RSU1: variants seen among roughly 807,000 people sequenced by gnomAD.
RSU1 encodes Ras suppressor protein 1.
Under a neutral mutation model 31.1 loss-of-function variants are expected in RSU1, and 26 were observed. The ratio of observed to expected loss-of-function variants is 0.84; its 90% CI spans 0.61 to 1.16. RSU1 has a LOEUF of 1.16. Ranked by LOEUF, RSU1 falls within the 50% of genes most tolerant of loss-of-function variation. RSU1 has a pLI of 0.00. For synonymous variants in RSU1, 164 were observed against 136.3 expected (o/e 1.20, Z -1.41); for missense variants, 320 against 339.1 (o/e 0.94, Z 0.44).
intron 8 of RSU1, among the ~76,000 whole-genome samples, chr10:16,659,106 T>C (rs1221855302): frequency 2.6e-5 from 4 of 152,216 alleles, no homozygotes; most frequent in Non-Finnish European, 5.9e-5. Flanking sequence ...TTTTAGATAC[T>C]AATCGGCTGT....
At chr10:16,763,542 C>G (rs1837251152) in intron 4 of RSU1, among the ~76,000 whole-genome samples, 2 of 152,276 alleles carry the variant, frequency 1.3e-5, no homozygotes. Context: ...CCCCAGGATC[C>G]AATCACCTCC....
intron 7 of RSU1, among the ~76,000 whole-genome samples, chr10:16,703,922 G>A (rs1835844156): frequency 6.6e-6 from 1 of 152,114 alleles, no homozygotes; most frequent in Non-Finnish European, 1.5e-5. Context: ...ACTTGAGTGT[G>A]CATCAGAATA....
intron 8 of RSU1, among the ~76,000 whole-genome samples, chr10:16,633,793 A>G (rs1448753864): frequency 2.0e-5 from 3 of 152,064 alleles, no homozygotes; most frequent in Non-Finnish European, 4.4e-5. Context: ...AGTCCCTTCC[A>G]AAAAGGCAGT....
intron 7 of RSU1, among the ~76,000 whole-genome samples, chr10:16,726,671 A>C (rs117492404): frequency 0.02 from 3,069 of 152,254 alleles, 62 homozygotes; most frequent in Non-Finnish European, 0.028. Flanking sequence ...CAGTTGGTTG[A>C]AAACAATGAA....
intron 2 of RSU1, among the ~76,000 whole-genome samples, chr10:16,797,442 AG>A (rs1838060539): frequency 6.6e-6 from 1 of 152,258 alleles, no homozygotes; most frequent in Admixed American, 6.5e-5. Context: ...TCTAGAACTA[AG>A]CCTTCCTCTG....
intron 4 of RSU1, among the ~76,000 whole-genome samples, chr10:16,756,392 C>T (rs1446556955): frequency 1.1e-4 from 16 of 152,154 alleles, no homozygotes; most frequent in Admixed American, 7.9e-4. Flanking sequence ...TGGGTTTGAA[C>T]TTCCTGGGTC....
intron 4 of RSU1, among the ~76,000 whole-genome samples, chr10:16,762,995 C>CAAA (rs11341912): frequency 7.6e-6 from 1 of 131,274 alleles, no homozygotes; most frequent in African/African-American, 2.8e-5. Context: ...GACTCTGTCT[C>CAAA]AAAAAAAAAA....
intron 7 of RSU1, among the ~76,000 whole-genome samples, chr10:16,706,268 T>C (rs11254164): frequency 6.6e-6 from 1 of 152,068 alleles, no homozygotes; most frequent in Admixed American, 6.5e-5. Flanking sequence ...TTTTTAATAC[T>C]TGTAAATTTT....
rs2131285206 is a variant in RSU1 at position 16,817,019 on chromosome 10, G to A, written c.63C>T (p.Asp21=). The stretch of plus-strand genomic sequence containing the variant: ...TGTTGGAGATGCCCCGGTCACTCAT[G>A]TCCACCTCGGGCTGGTTCTTCTCCC... ...ESREKNQPEV[D]MSDRGISNML... is the part of the protein sequence containing the mutation. Residue 21 remains aspartate, a synonymous_variant, in exon 2 of 9, where the codon GAC becomes GAT. Transcript: ENST00000345264. 1.2e-6 allele frequency: 2 copies of A among 1,614,194 alleles called. No individual in the cohort carries two copies. The highest frequency in any genetic ancestry group is 1.1e-5 in the South Asian group (1 of 91,082).
intron 8 of RSU1, among the ~76,000 whole-genome samples, chr10:16,604,429 G>A (rs1485245632): frequency 2.0e-5 from 3 of 152,042 alleles, no homozygotes; most frequent in Admixed American, 2.0e-4. Context: ...ATGCCCTGGC[G>A]GGACTGTGTG....
At chr10:16,776,743 T>C (rs115022441) in intron 3 of RSU1, among the ~76,000 whole-genome samples, 3 of 151,280 alleles carry the variant, frequency 2.0e-5, no homozygotes, top group African/African-American at 7.3e-5. Context: ...CAAAAAGATA[T>C]CCTTGGTTAT....
chr10:16,722,282 G>A (rs531735133), intron 7 of RSU1, among the ~76,000 whole-genome samples: 1 of 152,188 alleles, frequency 6.6e-6, no homozygotes, highest in East Asian at 1.9e-4. Context: ...GCATCCACTG[G>A]GGGTCTTGGA....
At chr10:16,809,999 GGGA>G (rs1564365911) in intron 2 of RSU1, among the ~76,000 whole-genome samples, 1 of 149,788 alleles carries the variant, frequency 6.7e-6, no homozygotes, top group East Asian at 2.0e-4. Context: ...GGGTGGGGGG[GGGA>G]GGTGAATCAC....
chr10:16,684,123 G>T (rs145416222), intron 8 of RSU1, among the ~76,000 whole-genome samples: 94 of 152,338 alleles, frequency 6.2e-4, no homozygotes, highest in South Asian at 3.1e-3. Context: ...GGTGGTGAAA[G>T]AAAAAGATCT....
chr10:16,644,960 G>A (rs566586695), intron 8 of RSU1, among the ~76,000 whole-genome samples: 5 of 152,218 alleles, frequency 3.3e-5, no homozygotes, highest in African/African-American at 9.6e-5. Context: ...GCAAGAAAAT[G>A]AAATCAAGGA....
chr10:16,721,689 G>A (rs1352307601), intron 7 of RSU1: 2 of 152,170 alleles, frequency 1.3e-5, no homozygotes, highest in Non-Finnish European at 2.9e-5. Context: ...TTTCTGAGTG[G>A]GACAGACGTG....
At chr10:16,740,928 C>T (rs901519013) in intron 7 of RSU1, among the ~76,000 whole-genome samples, 1 of 152,112 alleles carries the variant, frequency 6.6e-6, no homozygotes, top group African/African-American at 2.4e-5. Flanking sequence ...TACCAAAACA[C>T]AAGTTGGCTT....
chr10:16,803,080 A>T (rs1270594321), intron 2 of RSU1, among the ~76,000 whole-genome samples: 1 of 152,164 alleles, frequency 6.6e-6, no homozygotes, highest in African/African-American at 2.4e-5. Context: ...GAAAGGATGA[A>T]TTAAAACTGT....
At chr10:16,786,379 A>G (rs745677729) in intron 2 of RSU1, among the ~76,000 whole-genome samples, 4 of 152,138 alleles carry the variant, frequency 2.6e-5, no homozygotes, top group Non-Finnish European at 4.4e-5. Context: ...ACACGCCCTC[A>G]TTCTTGCAGC....
Sources: gnomAD v4.1 joint callset for allele counts (sites outside exome capture counted in the v4.1 genomes callset) on GRCh38, gnomAD v4.1.1 for gene constraint, MANE v1.5 for transcripts, NCBI Gene and HGNC (gene_info 2026-07-23, HGNC 2026-07-21) for gene names.